The following SORCS2 variants were observed in gnomAD, a reference collection of about 807,000 sequenced individuals.
SORCS2 encodes the protein VPS10 domain-containing receptor SorCS2.
A neutral mutation model predicts 141.6 loss-of-function variants in SORCS2; 100 were observed. That is an observed-to-expected ratio of 0.71 (90% CI 0.60 to 0.83). SORCS2 has a LOEUF of 0.83. Ranked by LOEUF, SORCS2 falls within the 40% of genes least tolerant of loss-of-function variation. The pLI is 0.00. For synonymous variants in SORCS2, 789 were observed against 676.9 expected, an observed-to-expected ratio of 1.17 and a Z score of -2.57; for missense variants, 1,646 against 1,560.2, an observed-to-expected ratio of 1.05 and a Z score of -0.93.
chr4:7,491,493 G>T (rs1293701322), intron 2 of SORCS2, among the ~76,000 whole-genome samples: 1 of 152,240 alleles, frequency 6.6e-6, no homozygotes, highest in Non-Finnish European at 1.5e-5. Context: ...CCAGCACGCG[G>T]CATGGCGTAA....
chr4:7,717,494 G>A (rs991339164), intron 17 of SORCS2, among the ~76,000 whole-genome samples: 2 of 152,226 alleles, frequency 1.3e-5, no homozygotes, highest in African/African-American at 4.8e-5. Flanking sequence ...CATGAACGCA[G>A]TGATTAGTCA....
At chr4:7,539,475 G>A (rs955948190) in intron 3 of SORCS2, among the ~76,000 whole-genome samples, 3 of 152,202 alleles carry the variant, frequency 2.0e-5, no homozygotes, top group Non-Finnish European at 4.4e-5. Flanking sequence ...ACTTTGTTCT[G>A]CTCTTTGTCT....
At chr4:7,516,549 T>A (rs1167539230) in intron 2 of SORCS2, among the ~76,000 whole-genome samples, 1 of 152,116 alleles carries the variant, frequency 6.6e-6, no homozygotes, top group Admixed American at 6.5e-5. Context: ...CAAAACACAG[T>A]TCCATGTGGG....
rs550470682 is a variant in SORCS2, at chr4:7,655,512, G to A, written c.887+1305G>A. ...GGCCCTTCGTAATGTCACGCTGACC[G>A]TGGCAGGAGACTGGCGTCCTGGCCA... On this transcript the variant is annotated intron_variant, in intron 5 of 26. Coordinates refer to ENST00000507866, the MANE Select transcript of SORCS2 (RefSeq NM_020777.3). Among the ~76,000 whole-genome samples, 16 of 152,362 alleles carry A rather than the reference G, an allele frequency of 1.1e-4. No homozygotes were observed. In the South Asian group the frequency reaches 1.7e-3, roughly 16 times the overall value.
intron 1 of SORCS2, among the ~76,000 whole-genome samples, chr4:7,290,281 C>G (rs569914554): frequency 6.6e-6 from 1 of 152,348 alleles, no homozygotes; most frequent in South Asian, 2.1e-4. Context: ...GCTGGCTGCT[C>G]TCTGAGTAGT....
At chr4:7,378,861 G>C (rs1722818931) in intron 1 of SORCS2, among the ~76,000 whole-genome samples, 1 of 152,200 alleles carries the variant, frequency 6.6e-6, no homozygotes, top group African/African-American at 2.4e-5. Context: ...CCCTGAATGA[G>C]AGGAAAGACC....
intron 1 of SORCS2, among the ~76,000 whole-genome samples, chr4:7,382,308 G>A (rs941160800): frequency 2.6e-5 from 4 of 152,138 alleles, no homozygotes; most frequent in Admixed American, 1.3e-4. Flanking sequence ...TTGAGCCTGG[G>A]AGTGACATTG....
intron 3 of SORCS2, among the ~76,000 whole-genome samples, chr4:7,567,117 G>T (rs900062005): frequency 6.6e-6 from 1 of 152,184 alleles, no homozygotes; most frequent in African/African-American, 2.4e-5. Context: ...TTTTATAACT[G>T]TTTTAGGTTT....
chr4:7,689,096 G>T (rs1013968148), intron 10 of SORCS2, among the ~76,000 whole-genome samples: 1 of 152,156 alleles, frequency 6.6e-6, no homozygotes, highest in Non-Finnish European at 1.5e-5. Context: ...ACTTGACCCG[G>T]CACTTGGGCT....
rs1474088826 is a variant in SORCS2 at position 7,546,982 on chromosome 4, G to C, written c.648+15353G>C. 2.6e-5 allele frequency among the ~76,000 whole-genome samples: 4 copies of C among 152,202 alleles called. No individual in the cohort carries two copies. The East Asian group carries it at 7.7e-4, about 29-fold the overall frequency. On this transcript the variant is annotated intron_variant, in intron 3 of 26. Transcript: ENST00000507866. ...AATGGGGAATCCCCAGGTCCAGGGAGGCCCTGGTTAGGACAAGTGTAGTTC... is the reference window on the plus strand; with the variant it reads ...AATGGGGAATCCCCAGGTCCAGGGACGCCCTGGTTAGGACAAGTGTAGTTC...
intron 3 of SORCS2, among the ~76,000 whole-genome samples, chr4:7,580,925 TATA>T (rs1160279738): frequency 1.3e-5 from 2 of 152,188 alleles, no homozygotes; most frequent in African/African-American, 4.8e-5. Flanking sequence ...GCCCTGGGAT[TATA>T]ATAATAGATA....
At chr4:7,313,707 C>G (rs1364182324) in intron 1 of SORCS2, among the ~76,000 whole-genome samples, 2 of 152,188 alleles carry the variant, frequency 1.3e-5, no homozygotes, top group Non-Finnish European at 2.9e-5. Flanking sequence ...CTCGCCTCCC[C>G]TTGTCTCTGG....
chr4:7,197,693 A>G (rs987088187), intron 1 of SORCS2, among the ~76,000 whole-genome samples: 1 of 152,176 alleles, frequency 6.6e-6, no homozygotes, highest in Non-Finnish European at 1.5e-5. Context: ...ATGGAGACAA[A>G]CCATAGAAAA....
At chr4:7,471,915 C>A (rs1209680723) in intron 2 of SORCS2, among the ~76,000 whole-genome samples, 1 of 152,236 alleles carries the variant, frequency 6.6e-6, no homozygotes, top group East Asian at 1.9e-4. Flanking sequence ...ATAGCACTGC[C>A]CCCAGCTGCC....
intron 3 of SORCS2, among the ~76,000 whole-genome samples, chr4:7,543,675 TCCACCCATCCAC>T (rs1712921220): frequency 2.7e-5 from 2 of 73,026 alleles, no homozygotes; most frequent in Non-Finnish European, 5.9e-5. Context: ...CATCCATCCA[TCCACCCATCCAC>T]CCATCCACCC....
At chr4:7,630,848 C>G (rs1436600682) in intron 3 of SORCS2, among the ~76,000 whole-genome samples, 1 of 152,168 alleles carries the variant, frequency 6.6e-6, no homozygotes, top group Non-Finnish European at 1.5e-5. Context: ...CAGGAGTAGA[C>G]TGGGCAATTG....
chr4:7,734,382 C>T lies in SORCS2; in HGVS notation c.3311+8C>T. The T allele has an allele frequency of 6.6e-7, 1 of 1,511,240 alleles. No individual in the cohort carries two copies. The highest frequency in any genetic ancestry group is 8.9e-7 in the Non-Finnish European group (1 of 1,122,850). 93.6% of individuals were successfully genotyped at this position (1,511,240 alleles called of 1,614,324 possible). ...CCTCTACAAGTTCAAAAGGCAAGGC[C>T]CTTGGCTGCCCTCCTCTGCGGGGCT... On this transcript the variant is annotated splice_region_variant and intron_variant, in intron 25 of 26. Coordinates refer to ENST00000507866, the MANE Select transcript of SORCS2 (RefSeq NM_020777.3).
intron 7 of SORCS2, among the ~76,000 whole-genome samples, chr4:7,665,281 A>G (rs6844267): frequency 1.3e-5 from 2 of 152,010 alleles, no homozygotes; most frequent in African/African-American, 4.8e-5. Flanking sequence ...AGGGCCACCA[A>G]GGAGTTAGGC....
In SORCS2 at chr4:7,647,925, G is replaced by A. The variant is rs532510073; in HGVS notation, c.814-6209G>A. ...GGTAAAGCTTTGCTGCTGCAGGACC[G>A]GCTAATTGGCAGCTTGAGCATCTGA... On this transcript the variant is annotated intron_variant, in intron 4 of 26. Transcript: ENST00000507866. 9.9e-4 allele frequency among the ~76,000 whole-genome samples: 151 copies of A among 152,338 alleles called. 1 individual carries two copies. Among genetic ancestry groups the A allele is most frequent in the Admixed American group, 2.0e-3 (31 of 15,304 alleles).
Sources: allele counts gnomAD v4.1 joint callset (sites outside exome capture counted in the v4.1 genomes callset), GRCh38; gene constraint gnomAD v4.1.1; transcripts MANE v1.5; gene names NCBI Gene and HGNC (gene_info 2026-07-23, HGNC 2026-07-21).